Variants in WDR41 observed in about 807,000 individuals in gnomAD.
WDR41 encodes the protein WD repeat-containing protein 41.
WDR41 carries 63 observed loss-of-function variants against 69.3 expected under a neutral mutation model. The observed-to-expected ratio is 0.91, with a 90% CI of 0.74 to 1.12. The LOEUF (loss-of-function observed/expected upper bound fraction) is 1.12. Among genes scored for constraint, WDR41 ranks in the 50% most tolerant of loss-of-function variants. WDR41 has a pLI of 0.00. For missense variants in WDR41, 543 were observed against 534.5 expected, an observed-to-expected ratio of 1.02 and a Z score of -0.16; for synonymous variants, 185 against 192.1, an observed-to-expected ratio of 0.96 and a Z score of 0.31.
At chr5:77,491,612 A>AC (rs1181591929) in intron 1 of WDR41, among the ~76,000 whole-genome samples, 1 of 152,218 alleles carries the variant, frequency 6.6e-6, no homozygotes, top group East Asian at 1.9e-4. Flanking sequence ...AACAGCAGTT[A>AC]ATTAGAAAAT....
At chr5:77,579,168 C>G (rs542618236) in intron 1 of WDR41, among the ~76,000 whole-genome samples, 174 of 152,094 alleles carry the variant, frequency 1.1e-3, no homozygotes, top group Admixed American at 3.3e-3. Flanking sequence ...CTTGACTAAG[C>G]TTGCCCAACA....
chr5:77,593,261 C>G lies in WDR41; in HGVS notation c.42+27218G>C, dbSNP rs571662534. On this transcript the variant is annotated intron_variant, in intron 1 of 5. Transcript: ENST00000509971. The stretch of plus-strand genomic sequence containing the variant: ...ATCAGAGCCTTTGGAGAGTTTTCAG[C>G]AGAGGAATGTTGTATCTGAATTGCC... 7.2e-5 allele frequency among the ~76,000 whole-genome samples: 11 copies of G among 152,040 alleles called. No individual in the cohort carries two copies. The South Asian group carries it at 1.5e-3, about 20-fold the overall frequency.
intron 1 of WDR41, among the ~76,000 whole-genome samples, chr5:77,558,994 T>C (rs148607596): frequency 3.2e-4 from 49 of 152,348 alleles, no homozygotes; most frequent in South Asian, 1.2e-3. Context: ...GAATCAAATA[T>C]ACATTTCACT....
At chr5:77,484,670 T>G (rs1801430975) in intron 2 of WDR41, among the ~76,000 whole-genome samples, 1 of 152,216 alleles carries the variant, frequency 6.6e-6, no homozygotes, top group South Asian at 2.1e-4. Context: ...TACTTACAGT[T>G]TCTTAAAAAG....
intron 5 of WDR41, among the ~76,000 whole-genome samples, chr5:77,454,373 C>G (rs546025172): frequency 6.6e-6 from 1 of 152,134 alleles, no homozygotes; most frequent in African/African-American, 2.4e-5. Flanking sequence ...CCAGAACCAC[C>G]CAGATAAGAT....
chr5:77,449,678 G>T, intron 8 of WDR41, 82 bp downstream of exon 8: 1 of 892,034 alleles, frequency 1.1e-6, no homozygotes, highest in South Asian at 1.6e-5. Flanking sequence ...TAGAATCCCA[G>T]AACTAAGCAA....
chr5:77,558,736 A>G (rs2112254062), intron 1 of WDR41, among the ~76,000 whole-genome samples: 1 of 152,362 alleles, frequency 6.6e-6, no homozygotes, highest in African/African-American at 2.4e-5. Flanking sequence ...CTAATTTTCC[A>G]GCACTTTCTA....
chr5:77,582,870 G>A (rs1743965138), intron 1 of WDR41: 9 of 1,605,358 alleles, frequency 5.6e-6, no homozygotes, highest in Non-Finnish European at 6.8e-6. Context: ...TCAATAAGAA[G>A]CGAATTGCTT....
intron 1 of WDR41, among the ~76,000 whole-genome samples, chr5:77,607,778 T>C (rs1744451505): frequency 6.6e-6 from 1 of 152,266 alleles, no homozygotes; most frequent in Admixed American, 6.5e-5. Context: ...TGCTTATCTT[T>C]AAGTAGCATA....
intron 1 of WDR41, among the ~76,000 whole-genome samples, chr5:77,559,586 G>A (rs1426281111): frequency 1.3e-5 from 2 of 151,134 alleles, no homozygotes. Flanking sequence ...ATATAATGTT[G>A]ATGTATACAT....
chr5:77,456,591 T>C (rs1239923877), intron 5 of WDR41, among the ~76,000 whole-genome samples: 4 of 152,236 alleles, frequency 2.6e-5, no homozygotes, highest in Non-Finnish European at 5.9e-5. Context: ...CCAACTGCCC[T>C]GGCTAGAACC....
intron 1 of WDR41, 111 bp downstream of exon 1, chr5:77,492,059 G>T: frequency 7.3e-7 from 1 of 1,360,620 alleles, no homozygotes; most frequent in Non-Finnish European, 1.0e-6. Context: ...TCAGCAGCCA[G>T]CCCCGCCTCC....
rs1743437395 is a variant in WDR41, at chr5:77,557,806, A to C, written c.42+62673T>G. On this transcript the variant is annotated intron_variant, in intron 1 of 5. Coordinates refer to the WDR41 transcript ENST00000509971. The stretch of plus-strand genomic sequence containing the variant: ...ATGAAAACAGCCCAAATGTTTACCA[A>C]CAGTAGAATGAATAAACTGTGGCAT... Among the ~76,000 whole-genome samples the C allele has an allele frequency of 2.0e-5, 3 of 152,328 alleles. No homozygotes were observed. In the South Asian group the frequency reaches 6.2e-4, roughly 32 times the overall value.
chr5:77,499,546 G>A (rs1801986527), intron 1 of WDR41: 1 of 152,222 alleles, frequency 6.6e-6, no homozygotes, highest in Admixed American at 6.5e-5. Flanking sequence ...ATTCGGTAGA[G>A]CTCATGCTGC....
At chr5:77,501,310 G>A (rs888687090) in intron 1 of WDR41, among the ~76,000 whole-genome samples, 2 of 152,260 alleles carry the variant, frequency 1.3e-5, no homozygotes. Flanking sequence ...CAAGGCGGCA[G>A]CCTGGCTTGG....
chr5:77,451,419 T>A, intron 6 of WDR41, 66 bp from the exon 7 acceptor site: 9 of 1,460,068 alleles, frequency 6.2e-6, no homozygotes, highest in Non-Finnish European at 7.7e-6. Flanking sequence ...AACAAAAACA[T>A]TCTCAGTTTT....
intron 2 of WDR41, among the ~76,000 whole-genome samples, chr5:77,473,342 T>C (rs1213342412): frequency 6.6e-6 from 1 of 152,136 alleles, no homozygotes; most frequent in Admixed American, 6.5e-5. Flanking sequence ...ATAAAAACCC[T>C]AGAAGAAAAC....
rs569814521 is a variant in WDR41 at position 77,527,373 on chromosome 5, CA to C, written c.43-37802del. On this transcript the variant is annotated intron_variant, in intron 1 of 5. Transcript: ENST00000509971. ...TAATATCAAGCAGTCATATTTAAGG[CA>C]AAAAAGCAATATTAGAGACAGAAAG... Among the ~76,000 whole-genome samples, 474 of 151,456 alleles carry C rather than the reference CA, an allele frequency of 3.1e-3. 1 individual carries two copies. Among genetic ancestry groups the C allele is most frequent in the Admixed American group, 6.8e-3 (104 of 15,224 alleles).
chr5:77,477,328 T>G (rs1800988308), intron 2 of WDR41, among the ~76,000 whole-genome samples: 1 of 149,422 alleles, frequency 6.7e-6, no homozygotes, highest in Admixed American at 6.7e-5. Flanking sequence ...GCAGACCTAA[T>G]AGACATCTAC....
Sources: gnomAD v4.1 joint callset for allele counts (sites outside exome capture counted in the v4.1 genomes callset) on GRCh38, gnomAD v4.1.1 for gene constraint, MANE v1.5 for transcripts, NCBI Gene and HGNC (gene_info 2026-07-23, HGNC 2026-07-21) for gene names.